COPS7A: variants seen among roughly 807,000 people sequenced by gnomAD.
COPS7A encodes COP9 signalosome subunit 7A, also known as COP9 signalosome complex subunit 7a.
In COPS7A, 20 loss-of-function variants were observed where a neutral mutation model predicts 35.2. That is an observed-to-expected ratio of 0.57 (90% CI 0.40 to 0.83). COPS7A has a LOEUF of 0.83. Ranked by LOEUF, COPS7A falls within the 40% of genes least tolerant of loss-of-function variation. The pLI is 0.00. For missense variants in COPS7A, 247 were observed against 347.5 expected, an observed-to-expected ratio of 0.71 and a Z score of 2.30; for synonymous variants, 139 against 141.4, an observed-to-expected ratio of 0.98 and a Z score of 0.12.
At chr12:6,726,640 G>A (rs1449845258) in intron 2 of COPS7A, among the ~76,000 whole-genome samples, 2 of 145,214 alleles carry the variant, frequency 1.4e-5, no homozygotes, top group African/African-American at 2.5e-5. Context: ...ACAAACAAAA[G>A]CTCATGTATC....
Position 6,724,588 on chromosome 12 carries a change from T to C in COPS7A, c.-43-26T>C, listed in dbSNP as rs1941201908. On this transcript the variant is annotated intron_variant, in intron 1 of 7. Coordinates refer to ENST00000543155, the MANE Select transcript of COPS7A (RefSeq NM_001164094.2). ...CATCCGACCAGCCATCGGGGACCTC[T>C]AGCTTCACATCCTCTTTCCTTGCAG... 5 of 1,599,024 alleles carry C rather than the reference T, an allele frequency of 3.1e-6. No homozygotes were observed. In the African/African-American group the frequency reaches 6.7e-5, roughly 21 times the overall value.
intron 5 of COPS7A, 37 bp from the exon 6 acceptor site, chr12:6,730,365 C>T: frequency 6.3e-7 from 1 of 1,598,262 alleles, no homozygotes; most frequent in Non-Finnish European, 8.6e-7. Context: ...GATCGCAGCC[C>T]TTGTCTGCTG....
chr12:6,726,043 G>C (rs1592467201), intron 2 of COPS7A: 1 of 391,728 alleles, frequency 2.6e-6, no homozygotes, highest in African/African-American at 2.1e-5. Context: ...GGCTGGGCAC[G>C]GTGGCTCATG....
In COPS7A at chr12:6,724,819, G is replaced by A; in HGVS notation, c.162+1G>A. ...GCTGGACATGCCCAATGTTAGAGAG[G>A]TGGGTTGCTGGCTTGAATAGCCCTC... On this transcript the variant is annotated splice_donor_variant, in intron 2 of 7. Transcript: ENST00000543155. LOFTEE classifies it high-confidence loss of function. The A allele has an allele frequency of 6.2e-7, 1 of 1,614,114 alleles. No homozygotes were observed. The highest frequency in any genetic ancestry group is 8.5e-7 in the Non-Finnish European group (1 of 1,179,988).
At chr12:6,724,308 A>G in intron 1 of COPS7A, 129 bp downstream of exon 1, 1 of 416,358 alleles carries the variant, frequency 2.4e-6, no homozygotes, top group South Asian at 1.8e-5. Context: ...GCAGCAATGG[A>G]GAGCTGAGGG....
In COPS7A at chr12:6,729,673, A is replaced by C. The variant is rs567490858; in HGVS notation, c.530+224A>C. On this transcript the variant is annotated intron_variant, in intron 5 of 7. Coordinates refer to ENST00000543155, the MANE Select transcript of COPS7A (RefSeq NM_001164094.2). The surrounding 1 kb of genome is among the most constrained non-coding windows in gnomAD (Gnocchi z 4.2). ...TTGATATAGTAGTTGGGGGAGGAAA[A>C]GGGAGTGGTATACTTAAGGGGATCC... Among the ~76,000 whole-genome samples the C allele has an allele frequency of 9.9e-5, 15 of 152,168 alleles. No homozygotes were observed. The East Asian group carries it at 2.1e-3, about 22-fold the overall frequency.
At chr12:6,725,599 T>A (rs2137745971) in intron 2 of COPS7A, 1 of 456,030 alleles carries the variant, frequency 2.2e-6, no homozygotes, top group African/African-American at 2.0e-5. Flanking sequence ...ATGTGCAGCA[T>A]ATGCTAATCT....
rs1441931837 is a variant in COPS7A, at chr12:6,729,398, G to A, written c.479G>A (p.Arg160Gln). The A allele has an allele frequency of 1.2e-6, 2 of 1,614,086 alleles. No homozygotes were observed. Among genetic ancestry groups the A allele is most frequent in the Non-Finnish European group, 1.7e-6 (2 of 1,180,044 alleles). Residue 160 changes from arginine (R) to glutamine (Q), a missense_variant, in exon 5 of 8, where the codon CGG (arginine) becomes CAG (glutamine). By Grantham distance (43) the Arg-to-Gln change is conservative (BLOSUM62 1). Transcript: ENST00000543155. The surrounding 1 kb of genome is among the most constrained non-coding windows in gnomAD (Gnocchi z 4.2). ...CTCGAGGTTGACTACAGCATCGGGC[G>A]GGACATCCAGCGCCAGGACCTCAGT... is the stretch of plus-strand genomic sequence containing the variant. ...QRLEVDYSIGRDIQRQDLSAI... is the reference protein window; with the variant it reads ...QRLEVDYSIGQDIQRQDLSAI...
chr12:6,729,091 T>A lies in COPS7A; in HGVS notation c.328-156T>A. 7 of 649,762 alleles carry A rather than the reference T, an allele frequency of 1.1e-5. No homozygotes were observed. In the South Asian group the frequency reaches 1.3e-4, roughly 12 times the overall value. The allele number at this position is 649,762 out of a possible 1,614,324, so 40.2% of individuals were successfully genotyped here. A position where few individuals can be genotyped will look rare whatever the true frequency, so the allele number is the denominator to read the frequency against. On this transcript the variant is annotated intron_variant, in intron 4 of 7. Coordinates refer to ENST00000543155, the MANE Select transcript of COPS7A (RefSeq NM_001164094.2). This position sits in a 1 kb window ranked among gnomAD's most constrained non-coding sequence, Gnocchi z 4.2. ...GTTTTTGAAGTGGGAATACTTTTAT[T>A]TATTTTGCTTTAGAACCAGCCTCTT...
Position 6,729,360 on chromosome 12 carries a change from G to A in COPS7A, c.441G>A (p.Gln147=), listed in dbSNP as rs1317307139. Residue 147 remains glutamine, a synonymous_variant, in exon 5 of 8, where the codon CAG becomes CAA. Coordinates refer to ENST00000543155, the MANE Select transcript of COPS7A (RefSeq NM_001164094.2). This position sits in a 1 kb window ranked among gnomAD's most constrained non-coding sequence, Gnocchi z 4.2. ...ACGTGCTTCGTGGCTCCCTGGACCA[G>A]CGCAACCAGCGGCTCGAGGTTGACT... ...YADVLRGSLD[Q]RNQRLEVDYS... The A allele has an allele frequency of 6.2e-7, 1 of 1,614,074 alleles. No individual in the cohort carries two copies. Among genetic ancestry groups the A allele is most frequent in the African/African-American group, 1.3e-5 (1 of 74,934 alleles).
chr12:6,730,350 T>G, intron 5 of COPS7A, 52 bp from the exon 6 acceptor site: 1 of 1,558,550 alleles, frequency 6.4e-7, no homozygotes, highest in South Asian at 1.1e-5. Context: ...TTTCTGTGAG[T>G]CTGTGATCGC....
rs941350396 is a variant in COPS7A, at chr12:6,730,075, G to A, written c.531-327G>A. Among the ~76,000 whole-genome samples, 3 of 152,124 alleles carry A rather than the reference G, an allele frequency of 2.0e-5. No individual in the cohort carries two copies. In the East Asian group the frequency reaches 5.8e-4, roughly 29 times the overall value. The stretch of plus-strand genomic sequence containing the variant: ...CTGTTGCTCAGTTTGGAGTGCAGTG[G>A]CACCATCTTGACTCACTGCAGCCTC... On this transcript the variant is annotated intron_variant, in intron 5 of 7. Transcript: ENST00000543155.
In COPS7A at chr12:6,729,683, A is replaced by G. The variant is rs1364762274; in HGVS notation, c.530+234A>G. 6.6e-6 allele frequency among the ~76,000 whole-genome samples: 1 copy of G among 152,126 alleles called. No homozygotes were observed. The highest frequency in any genetic ancestry group is 1.5e-5 in the Non-Finnish European group (1 of 68,028). ...AGTTGGGGGAGGAAAAGGGAGTGGT[A>G]TACTTAAGGGGATCCTAACCAGCAA... On this transcript the variant is annotated intron_variant, in intron 5 of 7. Coordinates refer to ENST00000543155, the MANE Select transcript of COPS7A (RefSeq NM_001164094.2). This position sits in a 1 kb window ranked among gnomAD's most constrained non-coding sequence, Gnocchi z 4.2.
At position 6,728,375 on chromosome 12, in the gene COPS7A, A is replaced by T. The variant is rs376243958; in HGVS notation, c.327+64A>T. The T allele has an allele frequency of 1.3e-5, 18 of 1,390,314 alleles. No homozygotes were observed. In the East Asian group the frequency reaches 3.0e-4, roughly 23 times the overall value. 86.1% of individuals were successfully genotyped at this position (1,390,314 alleles called of 1,614,324 possible). A position where few individuals can be genotyped will look rare whatever the true frequency, so the allele number is the denominator to read the frequency against. ...CTTTTGTATGTCCTTGGGAGTCCAC[A>T]CTAGGACAGCCCTTGTCTAGACCGT... On this transcript the variant is annotated intron_variant, in intron 4 of 7. Transcript: ENST00000543155.
At chr12:6,730,629 G>A (rs2137759642) in intron 6 of COPS7A, 40 bp from the exon 7 acceptor site, 1 of 1,612,396 alleles carries the variant, frequency 6.2e-7, no homozygotes, top group Non-Finnish European at 8.5e-7. Context: ...GGAAGGTTCT[G>A]GAACCTTCCT....
At chr12:6,726,017 T>C (rs1941243924) in intron 2 of COPS7A, 3 of 418,386 alleles carry the variant, frequency 7.2e-6, no homozygotes, top group East Asian at 7.2e-5. Flanking sequence ...CCTGTCTCTG[T>C]TAAAAATACA....
intron 2 of COPS7A, among the ~76,000 whole-genome samples, chr12:6,727,485 G>A (rs1941286028): frequency 6.6e-6 from 1 of 152,064 alleles, no homozygotes; most frequent in Non-Finnish European, 1.5e-5. Flanking sequence ...TTTCTAGGCT[G>A]TGCAGCTGTC....
intron 2 of COPS7A, chr12:6,725,833 A>C (rs1941238670): frequency 2.2e-6 from 1 of 455,980 alleles, no homozygotes; most frequent in Non-Finnish European, 4.4e-6. Flanking sequence ...TATGGAGAAA[A>C]CTGGCTGACT....
chr12:6,729,468 C>T lies in COPS7A; in HGVS notation c.530+19C>T. Reference sequence around the variant, plus strand: ...AGGAATGGTGAGAACCGTATCCTGGCACTGTCCCCTTCTCACCCTGAGAAA... The same window carrying T: ...AGGAATGGTGAGAACCGTATCCTGGTACTGTCCCCTTCTCACCCTGAGAAA... On this transcript the variant is annotated intron_variant, in intron 5 of 7. Transcript: ENST00000543155. This position sits in a 1 kb window ranked among gnomAD's most constrained non-coding sequence, Gnocchi z 4.2. 1.9e-6 allele frequency: 3 copies of T among 1,609,754 alleles called. No individual in the cohort carries two copies. The highest frequency in any genetic ancestry group is 2.2e-5 in the East Asian group (1 of 44,846).
Sources: allele counts gnomAD v4.1 joint callset (sites outside exome capture counted in the v4.1 genomes callset), GRCh38; gene constraint gnomAD v4.1.1; non-coding constraint Gnocchi (gnomAD v3.1); transcripts MANE v1.5; gene names NCBI Gene and HGNC (gene_info 2026-07-23, HGNC 2026-07-21).